Variants in BNC2 observed in about 807,000 individuals in gnomAD.
The protein encoded by BNC2 is zinc finger protein basonuclin-2.
In BNC2, 20 loss-of-function variants were observed where a neutral mutation model predicts 76.3. The observed-to-expected ratio is 0.26, with a 90% CI of 0.18 to 0.38. The LOEUF is 0.38. BNC2 is among the 10% of genes least tolerant of loss of function. The probability of loss-of-function intolerance (pLI) is 1.00; values close to 1 mark genes in which losing one functional copy is unlikely to be tolerated. For missense variants in BNC2, 1,382 were observed against 1,399.8 expected, an observed-to-expected ratio of 0.99 and a Z score of 0.20; for synonymous variants, 582 against 514.8, an observed-to-expected ratio of 1.13 and a Z score of -1.77.
chr9:16,631,250 C>A (rs1050505234), intron 3 of BNC2, among the ~76,000 whole-genome samples: 2 of 152,046 alleles, frequency 1.3e-5, no homozygotes, highest in African/African-American at 4.8e-5. Context: ...ATTAATGAAC[C>A]ACAGATCTAA....
intron 1 of BNC2, among the ~76,000 whole-genome samples, chr9:16,833,920 C>G (rs76952711): frequency 1.3e-5 from 2 of 152,272 alleles, no homozygotes; most frequent in East Asian, 3.9e-4. Context: ...AATGGCCTGT[C>G]CACACCTCCA....
At chr9:16,558,609 C>A (rs765853699) in intron 4 of BNC2, among the ~76,000 whole-genome samples, 1 of 152,118 alleles carries the variant, frequency 6.6e-6, no homozygotes, top group African/African-American at 2.4e-5. Context: ...TACAACTACC[C>A]TTTGAGGTAC....
At chr9:16,630,188 T>A (rs1443750498) in intron 3 of BNC2, among the ~76,000 whole-genome samples, 1 of 146,610 alleles carries the variant, frequency 6.8e-6, no homozygotes, top group South Asian at 2.1e-4. Flanking sequence ...AGTACACTGA[T>A]AAACAGACAT....
At chr9:16,777,084 C>A (rs1403858493) in intron 1 of BNC2, among the ~76,000 whole-genome samples, 1 of 151,912 alleles carries the variant, frequency 6.6e-6, no homozygotes, top group East Asian at 1.9e-4. Context: ...CGAGATGGCG[C>A]CACTACACTC....
chr9:16,697,101 C>A (rs1181070942), intron 3 of BNC2, among the ~76,000 whole-genome samples: 1 of 152,138 alleles, frequency 6.6e-6, no homozygotes, highest in Non-Finnish European at 1.5e-5. Flanking sequence ...TGGCTCATGC[C>A]TGTAATCCCA....
intron 5 of BNC2, among the ~76,000 whole-genome samples, chr9:16,487,326 G>A (rs1183782623): frequency 6.6e-6 from 1 of 152,112 alleles, no homozygotes; most frequent in African/African-American, 2.4e-5. Context: ...TGTTACTCTC[G>A]GGTCCTTATT....
intron 1 of BNC2, among the ~76,000 whole-genome samples, chr9:16,825,985 G>T (rs1176382719): frequency 6.6e-6 from 1 of 152,106 alleles, no homozygotes; most frequent in Non-Finnish European, 1.5e-5. Flanking sequence ...CAGGGCAGGT[G>T]ACACTGGTCT....
chr9:16,772,948 T>C (rs1825868390), intron 1 of BNC2, among the ~76,000 whole-genome samples: 1 of 152,216 alleles, frequency 6.6e-6, no homozygotes, highest in African/African-American at 2.4e-5. Context: ...ACAGAGCTAC[T>C]TTCATTACTG....
At chr9:16,679,377 T>C (rs1359715801) in intron 3 of BNC2, among the ~76,000 whole-genome samples, 1 of 152,244 alleles carries the variant, frequency 6.6e-6, no homozygotes, top group South Asian at 2.1e-4. Context: ...CACGATGTCA[T>C]CGCTATACAG....
chr9:16,788,532 G>A (rs913885167), intron 1 of BNC2, among the ~76,000 whole-genome samples: 9 of 137,868 alleles, frequency 6.5e-5, no homozygotes, highest in South Asian at 2.3e-4. Flanking sequence ...CACCCTGGGC[G>A]ACAGAGCAAC....
chr9:16,598,856 G>A (rs916980433), intron 3 of BNC2, among the ~76,000 whole-genome samples: 1 of 152,146 alleles, frequency 6.6e-6, no homozygotes, highest in African/African-American at 2.4e-5. Context: ...GAAATTAAAT[G>A]AGATGCTTTG....
At chr9:16,706,361 T>TA (rs779901576) in intron 3 of BNC2, among the ~76,000 whole-genome samples, 2 of 152,226 alleles carry the variant, frequency 1.3e-5, no homozygotes, top group Non-Finnish European at 2.9e-5. Flanking sequence ...TAGGCAATTC[T>TA]AAAAAGCACA....
At chr9:16,657,490 G>T (rs539763152) in intron 3 of BNC2, among the ~76,000 whole-genome samples, 1 of 152,312 alleles carries the variant, frequency 6.6e-6, no homozygotes, top group Non-Finnish European at 1.5e-5. Context: ...TAGACTGTGG[G>T]AGGCTAAGGC....
At chr9:16,721,336 G>C (rs1247229383) in intron 3 of BNC2, among the ~76,000 whole-genome samples, 1 of 152,054 alleles carries the variant, frequency 6.6e-6, no homozygotes, top group Non-Finnish European at 1.5e-5. Flanking sequence ...TTTCTCTAAA[G>C]CTTAAAAATA....
intron 3 of BNC2, among the ~76,000 whole-genome samples, chr9:16,591,660 C>A (rs946756513): frequency 1.3e-5 from 2 of 152,186 alleles, no homozygotes; most frequent in African/African-American, 2.4e-5. Context: ...GCATGTTAAA[C>A]CATAGTGCAA....
intron 1 of BNC2, among the ~76,000 whole-genome samples, chr9:16,824,838 T>C (rs971646382): frequency 6.6e-6 from 1 of 152,166 alleles, no homozygotes; most frequent in Non-Finnish European, 1.5e-5. Flanking sequence ...ACAAGAGGAC[T>C]GTTAGCCTGG....
At chr9:16,693,440 G>C (rs531887222) in intron 3 of BNC2, among the ~76,000 whole-genome samples, 3 of 152,200 alleles carry the variant, frequency 2.0e-5, no homozygotes, top group Admixed American at 6.5e-5. Flanking sequence ...CATCACCTGA[G>C]AGCATGTCTG....
chr9:16,868,889 G>C (rs150790656), intron 1 of BNC2, among the ~76,000 whole-genome samples: 9 of 152,336 alleles, frequency 5.9e-5, no homozygotes, highest in Non-Finnish European at 1.2e-4. Flanking sequence ...GACACACTAA[G>C]TAACGTGCCA....
Position 16,719,229 on chromosome 9 carries a change from G to A in BNC2, c.330+8568C>T, listed in dbSNP as rs887859168. 2.0e-5 allele frequency among the ~76,000 whole-genome samples: 3 copies of A among 152,186 alleles called. 1 individual carries two copies. In the South Asian group the frequency reaches 6.2e-4, roughly 32 times the overall value. On this transcript the variant is annotated intron_variant, in intron 3 of 6. Coordinates refer to ENST00000380672, the MANE Select transcript of BNC2 (RefSeq NM_017637.6). Reference sequence around the variant, plus strand: ...CCATGTCCACTGACCTCCAGCACTGGCAGAGGGCGCAGTAGTGGGCAGCTT... The same window carrying A: ...CCATGTCCACTGACCTCCAGCACTGACAGAGGGCGCAGTAGTGGGCAGCTT...
Sources: gnomAD v4.1 joint callset for allele counts (sites outside exome capture counted in the v4.1 genomes callset) on GRCh38, gnomAD v4.1.1 for gene constraint, MANE v1.5 for transcripts, NCBI Gene and HGNC (gene_info 2026-07-23, HGNC 2026-07-21) for gene names.